The following ZNF91 variants were observed in gnomAD, a reference collection of about 807,000 sequenced individuals.
The protein encoded by ZNF91 is zinc finger protein 91 (HPF7, HTF10).
A neutral mutation model predicts 12.6 loss-of-function variants in ZNF91; 7 were observed. The ratio of observed to expected loss-of-function variants is 0.55; its 90% CI spans 0.31 to 1.04. The LOEUF (loss-of-function observed/expected upper bound fraction) is 1.04. Among genes scored for constraint, ZNF91 ranks in the 50% least tolerant of loss-of-function variants. The probability of loss-of-function intolerance (pLI) is 0.05; values close to 1 mark genes in which losing one functional copy is unlikely to be tolerated. For synonymous variants in ZNF91, 453 were observed against 462.6 expected (o/e 0.98, Z 0.27); for missense variants, 1,217 against 1,385.4 (o/e 0.88, Z 1.93).
At chr19:23,339,179 A>G (rs1444459044) in intron 3 of ZNF91, 2 of 151,936 alleles carry the variant, frequency 1.3e-5, no homozygotes, top group Non-Finnish European at 2.9e-5. Context: ...AATGGGGGGG[A>G]ATATATTAAC....
chr19:23,392,640 A>C (rs930971477), intron 1 of ZNF91, among the ~76,000 whole-genome samples: 4 of 152,002 alleles, frequency 2.6e-5, no homozygotes, highest in Non-Finnish European at 4.4e-5. Flanking sequence ...AAAAATACAA[A>C]AATTAGCTGG....
chr19:23,324,161 T>C (rs1057515048), intron 1 of ZNF91: 1 of 147,816 alleles, frequency 6.8e-6, no homozygotes, highest in Non-Finnish European at 1.5e-5. Context: ...TTTTCCTCAT[T>C]CTTTTCTTCT....
intron 1 of ZNF91, among the ~76,000 whole-genome samples, chr19:23,332,239 T>C (rs1024151641): frequency 6.6e-6 from 1 of 152,208 alleles, no homozygotes; most frequent in South Asian, 2.1e-4. Context: ...TTTTCACCCT[T>C]TGTTGGTTGT....
chr19:23,372,916 A>C (rs535034766), intron 3 of ZNF91, among the ~76,000 whole-genome samples: 1 of 152,210 alleles, frequency 6.6e-6, no homozygotes, highest in Non-Finnish European at 1.5e-5. Flanking sequence ...GACTGCAGAA[A>C]CCTGCCCTTG....
intron 1 of ZNF91, among the ~76,000 whole-genome samples, chr19:23,383,067 T>C (rs896058526): frequency 1.3e-5 from 2 of 152,310 alleles, no homozygotes; most frequent in East Asian, 1.9e-4. Context: ...CAGGCCAGTA[T>C]CTTTGAACAC....
At chr19:23,386,976 T>C (rs958976840) in intron 1 of ZNF91, among the ~76,000 whole-genome samples, 1 of 152,054 alleles carries the variant, frequency 6.6e-6, no homozygotes, top group African/African-American at 2.4e-5. Flanking sequence ...AAATACCTCA[T>C]TAAAAAGTAG....
rs1403023918 is a variant in ZNF91, at chr19:23,362,623, T to C, written c.356A>G (p.Asn119Ser). ...LRKYEKCGHE[N>S]LQLRKGCKSV... ...TTTACAACCTTTTCTTAACTGTAAA[T>C]TCTCATGTCCACATTTTTCATATTT... The change falls in exon 4 of 4, where the codon AAT (asparagine) becomes AGT (serine). Residue 119 changes from asparagine to serine, a missense_variant. Physicochemically the swap from Asn to Ser is conservative, Grantham distance 46. Transcript: ENST00000300619. The C allele has an allele frequency of 6.3e-7, 1 of 1,589,222 alleles. No homozygotes were observed. Among genetic ancestry groups the C allele is most frequent in the Non-Finnish European group, 8.5e-7 (1 of 1,171,520 alleles).
intron 1 of ZNF91, among the ~76,000 whole-genome samples, chr19:23,319,648 A>G (rs1213653826): frequency 6.6e-6 from 1 of 152,226 alleles, no homozygotes; most frequent in Non-Finnish European, 1.5e-5. Context: ...ATTATGACAC[A>G]TCACTGGACC....
chr19:23,372,863 T>C (rs532381745), intron 3 of ZNF91, among the ~76,000 whole-genome samples: 1 of 152,320 alleles, frequency 6.6e-6, no homozygotes, highest in East Asian at 1.9e-4. Context: ...ATGAAAGCCA[T>C]GCTCATCCAC....
chr19:23,341,218 CTT>C (rs1968117361), intron 3 of ZNF91, among the ~76,000 whole-genome samples: 1 of 151,802 alleles, frequency 6.6e-6, no homozygotes. Context: ...GCCTGGCTAA[CTT>C]TTGTATTTTT....
In ZNF91 at chr19:23,345,061, G is replaced by A. The variant is rs191877784; in HGVS notation, c.254-6007C>T. ...GCTCTCTCCAGTCCAAAAATCCAAT[G>A]TTGGCCCAAGAAGGCTCTGGCATGT... On this transcript the variant is annotated intron_variant, in intron 3 of 3. Coordinates refer to the ZNF91 transcript ENST00000599743. Among the ~76,000 whole-genome samples, 761 of 152,312 alleles carry A rather than the reference G, an allele frequency of 5.0e-3. 3 individuals are homozygous for A. Among genetic ancestry groups the A allele is most frequent in the Non-Finnish European group, 7.1e-3 (481 of 68,030 alleles).
At chr19:23,317,766 C>CT (rs1317389106) in intron 1 of ZNF91, among the ~76,000 whole-genome samples, 5 of 152,144 alleles carry the variant, frequency 3.3e-5, no homozygotes, top group Non-Finnish European at 7.3e-5. Flanking sequence ...TGTGACTCTA[C>CT]TAAGGAGGCA....
At chr19:23,345,656 C>A (rs545433681) in intron 3 of ZNF91, among the ~76,000 whole-genome samples, 6 of 151,998 alleles carry the variant, frequency 3.9e-5, no homozygotes, top group Admixed American at 6.6e-5. Context: ...ACCCTCCCAG[C>A]CCCTACCTCT....
intron 3 of ZNF91, among the ~76,000 whole-genome samples, chr19:23,344,073 G>A (rs1179918266): frequency 2.6e-5 from 4 of 152,012 alleles, no homozygotes; most frequent in African/African-American, 9.7e-5. Flanking sequence ...GAGATTACTG[G>A]CCAAAAATCA....
downstream of ZNF91, among the ~76,000 whole-genome samples, chr19:23,356,508 T>G (rs745446788): frequency 7.2e-5 from 11 of 152,150 alleles, no homozygotes; most frequent in Non-Finnish European, 1.2e-4. Context: ...TATCGTATGT[T>G]CTCACTGATA....
intron 1 of ZNF91, among the ~76,000 whole-genome samples, chr19:23,392,225 G>A (rs988108495): frequency 1.3e-5 from 2 of 150,994 alleles, no homozygotes; most frequent in African/African-American, 4.9e-5. Flanking sequence ...GTGAAACCCC[G>A]CCTCTACTAA....
chr19:23,329,484 A>G (rs552437976), intron 1 of ZNF91, among the ~76,000 whole-genome samples: 1 of 152,350 alleles, frequency 6.6e-6, no homozygotes, highest in African/African-American at 2.4e-5. Flanking sequence ...AGATGTATCA[A>G]TATTTTGCTT....
intron 1 of ZNF91, among the ~76,000 whole-genome samples, chr19:23,379,595 T>C (rs763644339): frequency 1.3e-5 from 2 of 152,194 alleles, no homozygotes; most frequent in Admixed American, 6.5e-5. Context: ...CACCTGGTCA[T>C]TGGGGAGGTC....
intron 1 of ZNF91, among the ~76,000 whole-genome samples, chr19:23,391,935 A>C (rs1970075723): frequency 6.6e-6 from 1 of 152,226 alleles, no homozygotes; most frequent in African/African-American, 2.4e-5. Context: ...TGAAACTATA[A>C]CTAGGTGGTA....
Sources: gnomAD v4.1 joint callset for allele counts (sites outside exome capture counted in the v4.1 genomes callset) on GRCh38, gnomAD v4.1.1 for gene constraint, MANE v1.5 for transcripts, NCBI Gene and HGNC (gene_info 2026-07-23, HGNC 2026-07-21) for gene names.